C19orf47: variants seen among roughly 807,000 people sequenced by gnomAD.
C19orf47 encodes the protein chromosome 19 open reading frame 47.
In C19orf47, 18 loss-of-function variants were observed where a neutral mutation model predicts 32.3. The observed-to-expected ratio is 0.56, with a 90% CI of 0.39 to 0.83. The LOEUF is 0.83. C19orf47 is among the 40% of genes least tolerant of loss of function. C19orf47 has a pLI of 0.00. For missense variants in C19orf47, 484 were observed against 531.6 expected, an observed-to-expected ratio of 0.91 and a Z score of 0.88; for synonymous variants, 202 against 211.1, an observed-to-expected ratio of 0.96 and a Z score of 0.37.
At chr19:40,305,064 C>T in the C19orf47 span, among the ~76,000 whole-genome samples, 68 of 152,120 alleles carry the variant, frequency 4.5e-4, no homozygotes, top group African/African-American at 1.4e-3. Flanking sequence ...AAAATTAGGC[C>T]AGGCGCGGTG....
chr19:40,300,635 C>T, the C19orf47 span, among the ~76,000 whole-genome samples: 2 of 152,136 alleles, frequency 1.3e-5, no homozygotes, highest in African/African-American at 2.4e-5. Flanking sequence ...AATGAACTCT[C>T]ATCAGATTTT....
chr19:40,297,558 G>C, the C19orf47 span, among the ~76,000 whole-genome samples: 1 of 152,104 alleles, frequency 6.6e-6, no homozygotes, highest in African/African-American at 2.4e-5. Flanking sequence ...AAAATTAGCT[G>C]GGCATGGTGG....
In C19orf47 at chr19:40,341,994, T is replaced by G. The variant is rs1340749493; in HGVS notation, c.-33-104A>C. Reference sequence around the variant, plus strand: ...GCATGCCAGAGGAATGTTCCTGGGCTAGGGGCTCACCGCCCAGGAATAGCC... The same window carrying G: ...GCATGCCAGAGGAATGTTCCTGGGCGAGGGGCTCACCGCCCAGGAATAGCC... On this transcript the variant is annotated intron_variant, in intron 1 of 8. Coordinates refer to ENST00000683109, the MANE Select transcript of C19orf47 (RefSeq NM_001256441.2). 1.4e-5 allele frequency: 21 copies of G among 1,520,234 alleles called. No homozygotes were observed. In the East Asian group the frequency reaches 4.7e-4, roughly 34 times the overall value. The allele number at this position is 1,520,234 out of a possible 1,614,324, so 94.2% of individuals were successfully genotyped here.
rs2077878982 is a variant in C19orf47, at chr19:40,328,426, A to C, written c.426T>G (p.Ser142Arg). ...VTVSNKMAAK[S>R]AKATAALARR... ...ATGTTCCCTCACCAGTGGCCTTGGC[A>C]CTCTTTGCTGCCATCTTGTTGGACA... Residue 142 changes from serine (S) to arginine (R), a missense_variant, in exon 6 of 9, where the codon AGT becomes AGG. Physicochemically the swap from Ser to Arg is moderately radical, Grantham distance 110. Transcript: ENST00000683109. The C allele has an allele frequency of 6.2e-7, 1 of 1,611,500 alleles. No individual in the cohort carries two copies. Among genetic ancestry groups the C allele is most frequent in the Admixed American group, 1.7e-5 (1 of 59,688 alleles).
At chr19:40,333,273 G>A (rs199814753) in intron 5 of C19orf47, among the ~76,000 whole-genome samples, 1,288 of 57,522 alleles carry the variant, frequency 0.022, 6 homozygotes, top group African/African-American at 0.09. Context: ...AAATAAATAA[G>A]AAAATAAATA....
At chr19:40,332,120 G>T (rs1036669847) in intron 5 of C19orf47, among the ~76,000 whole-genome samples, 10 of 151,914 alleles carry the variant, frequency 6.6e-5, no homozygotes, top group Non-Finnish European at 1.3e-4. Context: ...CACTTTGGGA[G>T]GCTGAGGCAG....
chr19:40,297,396 T>C, the C19orf47 span, among the ~76,000 whole-genome samples: 143 of 152,148 alleles, frequency 9.4e-4, no homozygotes, highest in Non-Finnish European at 1.6e-3. Flanking sequence ...TGAAACCCAG[T>C]CTCTACTAAA....
intron 5 of C19orf47, among the ~76,000 whole-genome samples, chr19:40,332,929 A>ATTTTTCACAT (rs1471485033): frequency 6.6e-6 from 1 of 152,094 alleles, no homozygotes; most frequent in Non-Finnish European, 1.5e-5. Context: ...GAATGTGAAC[A>ATTTTTCACAT]TTTTTCACAT....
intron 6 of C19orf47, among the ~76,000 whole-genome samples, chr19:40,327,959 G>A (rs1413750922): frequency 5.3e-5 from 8 of 152,180 alleles, no homozygotes; most frequent in Non-Finnish European, 1.0e-4. Flanking sequence ...GGGGAGCCCC[G>A]GAGAGTTACA....
At position 40,322,132 on chromosome 19, in the gene C19orf47, A is replaced by C. The variant is rs1318134412; in HGVS notation, c.908T>G (p.Leu303Arg). Residue 303 changes from leucine (L) to arginine (R), a missense_variant, in exon 9 of 9, where the codon CTT becomes CGT. Transcript: ENST00000683109. ...AGACAAGGACTCCGGCTTCCTCTCAAGCCCAGACCGTGAGGAAAGCGCCAG... is the reference window on the plus strand; with the variant it reads ...AGACAAGGACTCCGGCTTCCTCTCACGCCCAGACCGTGAGGAAAGCGCCAG... The part of the protein sequence containing the change: ...RRLALSSRSG[L>R]ERKPESLSKV... 1 of 1,613,944 alleles carries C rather than the reference A, an allele frequency of 6.2e-7. No individual in the cohort carries two copies. The highest frequency in any genetic ancestry group is 2.2e-5 in the East Asian group (1 of 44,894).
At chr19:40,324,582 A>T (rs1422394684) in intron 7 of C19orf47, 1 of 159,074 alleles carries the variant, frequency 6.3e-6, no homozygotes, top group Non-Finnish European at 1.4e-5. Context: ...AACATGGGCC[A>T]GGCATGGCAG....
Position 40,333,869 on chromosome 19 carries a change from T to C in C19orf47, c.283A>G (p.Ile95Val). Residue 95 changes from isoleucine (I) to valine (V), a missense_variant, in exon 5 of 9, where the codon ATT becomes GTT. Transcript: ENST00000683109. The part of the protein sequence containing the change: ...PCSPSPLAGE[I>V]RRGTSAASRM... ...GACTCACCACTGGTGCCACGGCGAA[T>C]TTCGCCTGCAAGGGGGCTAGGGCTG... 1 of 1,577,254 alleles carries C rather than the reference T, an allele frequency of 6.3e-7. No homozygotes were observed. Among genetic ancestry groups the C allele is most frequent in the South Asian group, 1.2e-5 (1 of 86,196 alleles).
At chr19:40,311,473 C>T in the C19orf47 span, among the ~76,000 whole-genome samples, 8 of 151,816 alleles carry the variant, frequency 5.3e-5, no homozygotes, top group Admixed American at 2.0e-4. Flanking sequence ...CCCTGAGAGG[C>T]GGAGAGTGCA....
intron 2 of C19orf47, among the ~76,000 whole-genome samples, chr19:40,338,266 T>TAC (rs35520400): frequency 0.094 from 13,476 of 143,424 alleles, 755 homozygotes; most frequent in Non-Finnish European, 0.13. Context: ...TACATATATA[T>TAC]ACACACACAC....
chr19:40,321,607 T>C lies in C19orf47; in HGVS notation c.*275A>G. 8.2e-7 allele frequency: 1 copy of C among 1,224,610 alleles called. No homozygotes were observed. The highest frequency in any genetic ancestry group is 1.0e-6 in the Non-Finnish European group (1 of 979,598). 75.9% of individuals were successfully genotyped at this position (1,224,610 alleles called of 1,614,324 possible). On this transcript the variant is annotated 3_prime_UTR_variant, in exon 9 of 9. Coordinates refer to ENST00000683109, the MANE Select transcript of C19orf47 (RefSeq NM_001256441.2). ...GAAGCCCCCTGGCACTTGGGAGAGG[T>C]AGAAAAGTGGGTTCTGCCAAGGCCA... is the stretch of plus-strand genomic sequence containing the variant.
At chr19:40,341,357 A>G (rs2145609655) in intron 2 of C19orf47, among the ~76,000 whole-genome samples, 1 of 151,822 alleles carries the variant, frequency 6.6e-6, no homozygotes, top group South Asian at 2.1e-4. Flanking sequence ...TATATAATAT[A>G]TATAATATAC....
chr19:40,335,831 A>G (rs994981647), intron 4 of C19orf47, among the ~76,000 whole-genome samples: 20 of 152,078 alleles, frequency 1.3e-4, no homozygotes, highest in African/African-American at 2.4e-5. Flanking sequence ...GGATGGTCTC[A>G]ATCTCCTGAC....
chr19:40,308,586 C>T, the C19orf47 span, among the ~76,000 whole-genome samples: 1 of 152,136 alleles, frequency 6.6e-6, no homozygotes, highest in South Asian at 2.1e-4. Flanking sequence ...GCCTCAGCCT[C>T]CCAAATAGCT....
chr19:40,306,142 ACT>A, the C19orf47 span, among the ~76,000 whole-genome samples: 1,135 of 135,274 alleles, frequency 8.4e-3, 20 homozygotes, highest in African/African-American at 0.031. Context: ...CAAGAGCAAA[ACT>A]CTGTCTCAAA....
Sources: allele counts gnomAD v4.1 joint callset (sites outside exome capture counted in the v4.1 genomes callset), GRCh38; gene constraint gnomAD v4.1.1; transcripts MANE v1.5; gene names NCBI Gene and HGNC (gene_info 2026-07-23, HGNC 2026-07-21).